The following FAM184A variants were observed in gnomAD, a reference collection of about 807,000 sequenced individuals.
FAM184A encodes the protein family with sequence similarity 184 member A, also known as protein FAM184A.
A neutral mutation model predicts 143.8 loss-of-function variants in FAM184A; 99 were observed. The observed-to-expected ratio is 0.69, with a 90% CI of 0.58 to 0.81. The LOEUF (loss-of-function observed/expected upper bound fraction) is 0.81. Ranked by LOEUF, FAM184A falls within the 40% of genes least tolerant of loss-of-function variation. The pLI is 0.00. For synonymous variants in FAM184A, 427 were observed against 446.4 expected, an observed-to-expected ratio of 0.96 and a Z score of 0.55; for missense variants, 1,217 against 1,310.5, an observed-to-expected ratio of 0.93 and a Z score of 1.10.
intron 1 of FAM184A, among the ~76,000 whole-genome samples, chr6:119,041,480 T>C (rs1307705882): frequency 6.6e-6 from 1 of 152,212 alleles, no homozygotes; most frequent in Non-Finnish European, 1.5e-5. Flanking sequence ...ATCTATCGCC[T>C]GAGAGCACAG....
intron 1 of FAM184A, among the ~76,000 whole-genome samples, chr6:119,083,926 T>C (rs1261477698): frequency 6.6e-6 from 1 of 152,228 alleles, no homozygotes; most frequent in African/African-American, 2.4e-5. Flanking sequence ...TAGTCTGTTT[T>C]CACACTGCTA....
At chr6:119,122,707 A>C (rs1357543842) in intron 1 of FAM184A, among the ~76,000 whole-genome samples, 1 of 151,916 alleles carries the variant, frequency 6.6e-6, no homozygotes, top group Non-Finnish European at 1.5e-5. Context: ...GGATTGCTTG[A>C]GTTCAGGAGT....
chr6:119,056,851 G>A (rs1786996424), intron 1 of FAM184A, among the ~76,000 whole-genome samples: 1 of 152,160 alleles, frequency 6.6e-6, no homozygotes, highest in Non-Finnish European at 1.5e-5. Flanking sequence ...GTGTACTAAA[G>A]ATGTGACTTT....
In FAM184A at chr6:119,078,052, G is replaced by A. The variant is rs542099292; in HGVS notation, c.159+89C>T. 1.1e-4 allele frequency: 162 copies of A among 1,436,804 alleles called. No individual in the cohort carries two copies. The African/African-American group carries it at 1.9e-3, about 17-fold the overall frequency. 89.0% of individuals were successfully genotyped at this position (1,436,804 alleles called of 1,614,324 possible). ...GAGGAGTAGAGTTCCCCTCGCTGCG[G>A]GCGCAGGGCGCACTGCCTCCCGGGG... On this transcript the variant is annotated intron_variant, in intron 1 of 17. Transcript: ENST00000338891. This position sits in a 1 kb window ranked among gnomAD's most constrained non-coding sequence, Gnocchi z 5.5.
intron 1 of FAM184A, among the ~76,000 whole-genome samples, chr6:119,127,959 T>G (rs667533): frequency 0.096 from 14,630 of 152,162 alleles, 795 homozygotes; most frequent in East Asian, 0.22. Flanking sequence ...CTCAACCAAC[T>G]AAATGGACCC....
At chr6:119,064,756 T>C (rs1044997961) in intron 1 of FAM184A, among the ~76,000 whole-genome samples, 2 of 152,150 alleles carry the variant, frequency 1.3e-5, no homozygotes, top group Non-Finnish European at 2.9e-5. Flanking sequence ...TCAATTCCTC[T>C]TGGGACAACC....
chr6:119,104,525 A>G (rs1292349387), intron 1 of FAM184A, among the ~76,000 whole-genome samples: 2 of 152,206 alleles, frequency 1.3e-5, no homozygotes, highest in Admixed American at 1.3e-4. Context: ...AAATGTGTCC[A>G]AAGTGGTATC....
intron 1 of FAM184A, among the ~76,000 whole-genome samples, chr6:119,136,182 G>T (rs1435766309): frequency 6.7e-6 from 1 of 148,788 alleles, no homozygotes; most frequent in Non-Finnish European, 1.5e-5. Flanking sequence ...GGAGGCTGAG[G>T]CAGGAGAATG....
At chr6:119,089,297 A>G (rs1582605967) in intron 1 of FAM184A, among the ~76,000 whole-genome samples, 1 of 151,554 alleles carries the variant, frequency 6.6e-6, no homozygotes, top group African/African-American at 2.4e-5. Flanking sequence ...TCCACCTCCC[A>G]GGTTCAAGCG....
intron 2 of FAM184A, 113 bp downstream of exon 2, chr6:119,023,842 AGTCT>A: frequency 5.1e-6 from 3 of 589,686 alleles, no homozygotes; most frequent in Non-Finnish European, 7.8e-6. Context: ...AAAAAAAAAA[AGTCT>A]AAGTGGTGTG....
intron 1 of FAM184A, among the ~76,000 whole-genome samples, chr6:119,108,739 C>T (rs9401126): frequency 0.37 from 56,291 of 151,926 alleles, 12,431 homozygotes; most frequent in East Asian, 0.56. Flanking sequence ...GCTGCTGGCT[C>T]AGGAGCTGAC....
Position 119,015,024 on chromosome 6 carries a change from A to G in FAM184A, c.1530+1723T>C, listed in dbSNP as rs546505223. ...CAATGAGCCGAGATTGTGCCACTGCACTGCACTCCAGACTGAGAGACAGAG... is the reference window on the plus strand; with the variant it reads ...CAATGAGCCGAGATTGTGCCACTGCGCTGCACTCCAGACTGAGAGACAGAG... On this transcript the variant is annotated intron_variant, in intron 5 of 17. Coordinates refer to ENST00000338891, the MANE Select transcript of FAM184A (RefSeq NM_024581.6). Among the ~76,000 whole-genome samples, 342 of 151,914 alleles carry G rather than the reference A, an allele frequency of 2.3e-3. 1 individual carries two copies. The highest frequency in any genetic ancestry group is 3.1e-3 in the Non-Finnish European group (210 of 67,938).
intron 1 of FAM184A, among the ~76,000 whole-genome samples, chr6:119,083,940 A>G (rs1306302254): frequency 6.6e-6 from 1 of 152,188 alleles, no homozygotes; most frequent in Non-Finnish European, 1.5e-5. Context: ...ACTGCTATAA[A>G]GAATACCTGA....
intron 1 of FAM184A, among the ~76,000 whole-genome samples, chr6:119,133,653 G>C (rs892741319): frequency 6.6e-6 from 1 of 152,038 alleles, no homozygotes; most frequent in Non-Finnish European, 1.5e-5. Flanking sequence ...ACTTTGTTCA[G>C]CTGAAGAAGG....
intron 1 of FAM184A, among the ~76,000 whole-genome samples, chr6:119,025,302 T>C (rs969503029): frequency 3.3e-5 from 5 of 152,236 alleles, no homozygotes; most frequent in African/African-American, 1.2e-4. Context: ...CCTTTTATCT[T>C]TGTAATGGCC....
chr6:119,055,856 C>G (rs969564125), intron 1 of FAM184A, among the ~76,000 whole-genome samples: 12 of 152,254 alleles, frequency 7.9e-5, no homozygotes, highest in African/African-American at 2.9e-4. Flanking sequence ...CCTAATAAAT[C>G]TACCCTCTTC....
chr6:119,123,987 A>G (rs1333308734), intron 1 of FAM184A, among the ~76,000 whole-genome samples: 1 of 152,202 alleles, frequency 6.6e-6, no homozygotes, highest in Non-Finnish European at 1.5e-5. Flanking sequence ...TCCAAGATAC[A>G]ACTTTGCACA....
At chr6:119,103,929 A>G (rs1391854986) in intron 1 of FAM184A, among the ~76,000 whole-genome samples, 1 of 104,224 alleles carries the variant, frequency 9.6e-6, no homozygotes, top group Non-Finnish European at 1.8e-5. Flanking sequence ...CCGTGTAGAG[A>G]AAAAAAAAAA....
At chr6:119,082,978 C>T (rs1788112989), upstream of FAM184A, among the ~76,000 whole-genome samples, 1 of 152,234 alleles carries the variant, frequency 6.6e-6, no homozygotes, top group Admixed American at 6.5e-5. Flanking sequence ...TCTGCCTGCA[C>T]ATCCAGATGT....
Sources: gnomAD v4.1 joint callset for allele counts (sites outside exome capture counted in the v4.1 genomes callset) on GRCh38, gnomAD v4.1.1 for gene constraint, Gnocchi (gnomAD v3.1) non-coding constraint, MANE v1.5 for transcripts, NCBI Gene and HGNC (gene_info 2026-07-23, HGNC 2026-07-21) for gene names.